Variants in MELK observed in about 807,000 individuals in gnomAD.
MELK encodes pEg3 kinase.
In MELK, 81 loss-of-function variants were observed where a neutral mutation model predicts 85.0. The ratio of observed to expected loss-of-function variants is 0.95; its 90% CI spans 0.80 to 1.15. The LOEUF (loss-of-function observed/expected upper bound fraction) is 1.15, where lower values mean the gene tolerates loss of function less well. MELK is among the 50% of genes most tolerant of loss of function. The probability of loss-of-function intolerance (pLI) is 0.00; values close to 1 mark genes in which losing one functional copy is unlikely to be tolerated. For synonymous variants in MELK, 252 were observed against 265.0 expected (o/e 0.95, Z 0.48); for missense variants, 754 against 777.5 (o/e 0.97, Z 0.36).
At chr9:36,675,115 G>T (rs1361182057) in intron 17 of MELK, among the ~76,000 whole-genome samples, 178 bp downstream of exon 17, 2 of 152,122 alleles carry the variant, frequency 1.3e-5, no homozygotes, top group Non-Finnish European at 2.9e-5. Flanking sequence ...GAGAAGCCCT[G>T]TCTCTACTGA....
intron 10 of MELK, among the ~76,000 whole-genome samples, chr9:36,637,119 A>G (rs548528213): frequency 1.3e-5 from 2 of 152,106 alleles, no homozygotes; most frequent in South Asian, 2.1e-4. Flanking sequence ...GGCATGAGCC[A>G]CTGCACCCGG....
At chr9:36,659,007 G>A (rs13294290) in intron 13 of MELK, among the ~76,000 whole-genome samples, 20,916 of 151,056 alleles carry the variant, frequency 0.14, 1,646 homozygotes, top group Non-Finnish European at 0.17. Context: ...TCAGCTTCCC[G>A]AATAGCTGGG....
At chr9:36,647,378 CT>C (rs1243692116) in intron 11 of MELK, among the ~76,000 whole-genome samples, 3 of 152,112 alleles carry the variant, frequency 2.0e-5, no homozygotes, top group Non-Finnish European at 4.4e-5. Context: ...GGGAAAAAGT[CT>C]TTAATGTAGT....
intron 9 of MELK, among the ~76,000 whole-genome samples, chr9:36,631,593 A>G (rs937232396): frequency 4.0e-5 from 6 of 150,546 alleles, no homozygotes; most frequent in Non-Finnish European, 8.9e-5. Context: ...AAAAAATTTT[A>G]TAGACAGGGT....
intron 11 of MELK, among the ~76,000 whole-genome samples, chr9:36,647,624 G>A (rs1830342848): frequency 6.6e-6 from 1 of 152,012 alleles, no homozygotes; most frequent in East Asian, 1.9e-4. Context: ...ATATAGCTGG[G>A]ATTACAGGCG....
intron 8 of MELK, among the ~76,000 whole-genome samples, chr9:36,612,209 C>T (rs551265134): frequency 1.3e-5 from 2 of 152,096 alleles, no homozygotes; most frequent in South Asian, 4.2e-4. Context: ...GATTCTCTTG[C>T]CTCAGCCTCC....
At chr9:36,668,634 T>G (rs1832608819) in intron 14 of MELK, among the ~76,000 whole-genome samples, 1 of 152,048 alleles carries the variant, frequency 6.6e-6, no homozygotes, top group Non-Finnish European at 1.5e-5. Context: ...TGCCTCAGCC[T>G]CCCAAGTGGC....
intron 8 of MELK, among the ~76,000 whole-genome samples, chr9:36,619,821 C>A (rs1827222665): frequency 6.6e-6 from 1 of 152,144 alleles, no homozygotes; most frequent in African/African-American, 2.4e-5. Context: ...CTGCTTTTTT[C>A]TCTACTTCCT....
chr9:36,597,155 T>TG, intron 5 of MELK, 67 bp from the exon 6 acceptor site: 1 of 1,355,012 alleles, frequency 7.4e-7, no homozygotes, highest in South Asian at 1.2e-5. Flanking sequence ...TTTTTAGAAA[T>TG]GGCTAGAGGT....
intron 7 of MELK, among the ~76,000 whole-genome samples, chr9:36,601,769 G>A (rs1243115112): frequency 6.6e-6 from 1 of 152,198 alleles, no homozygotes; most frequent in South Asian, 2.1e-4. Context: ...TCTGCCTTCT[G>A]TCTCTATGAA....
At chr9:36,623,370 A>G (rs553975990) in intron 8 of MELK, among the ~76,000 whole-genome samples, 32 of 152,350 alleles carry the variant, frequency 2.1e-4, no homozygotes, top group African/African-American at 7.7e-4. Context: ...ATTTTAAAGC[A>G]CGGTGTACAA....
intron 9 of MELK, among the ~76,000 whole-genome samples, chr9:36,630,871 C>T (rs1828517045): frequency 6.6e-6 from 1 of 151,864 alleles, no homozygotes; most frequent in South Asian, 2.1e-4. Flanking sequence ...CCAGGCTGGT[C>T]TCGAACTCCT....
At chr9:36,588,300 C>T (rs1823159735) in intron 3 of MELK, among the ~76,000 whole-genome samples, 1 of 149,864 alleles carries the variant, frequency 6.7e-6, no homozygotes, top group Non-Finnish European at 1.5e-5. Flanking sequence ...GAACTCCTGA[C>T]CTCAGTTGAT....
At chr9:36,591,011 G>C (rs1564130982) in intron 4 of MELK, among the ~76,000 whole-genome samples, 1 of 152,164 alleles carries the variant, frequency 6.6e-6, no homozygotes, top group Non-Finnish European at 1.5e-5. Context: ...AGAATTGCTT[G>C]AGTCCAGGAG....
intron 5 of MELK, among the ~76,000 whole-genome samples, chr9:36,596,601 TTTG>T (rs1824310124): frequency 5.7e-5 from 8 of 141,494 alleles, no homozygotes; most frequent in South Asian, 2.2e-4. Flanking sequence ...TTTTTTTTTT[TTTG>T]AGATGGAGTT....
chr9:36,630,232 TTA>T, intron 8 of MELK, 65 bp from the exon 9 acceptor site: 2 of 1,184,662 alleles, frequency 1.7e-6, no homozygotes, highest in East Asian at 4.7e-5. Flanking sequence ...CTCCAGCATG[TTA>T]TTACCTAAGG....
At chr9:36,598,903 C>G (rs761966520) in intron 6 of MELK, among the ~76,000 whole-genome samples, 1 of 152,202 alleles carries the variant, frequency 6.6e-6, no homozygotes, top group Admixed American at 6.5e-5. Flanking sequence ...AGAGACCACA[C>G]GTGCATGCAC....
At chr9:36,637,824 C>G (rs1829359930) in intron 10 of MELK, among the ~76,000 whole-genome samples, 1 of 152,242 alleles carries the variant, frequency 6.6e-6, no homozygotes, top group South Asian at 2.1e-4. Context: ...TGAAATCACT[C>G]CTGATTCTCC....
intron 13 of MELK, among the ~76,000 whole-genome samples, chr9:36,660,483 A>T (rs1831690457): frequency 6.6e-6 from 1 of 151,874 alleles, no homozygotes; most frequent in Non-Finnish European, 1.5e-5. Flanking sequence ...ATGCCCAGCT[A>T]ATTTTTACAA....
Sources: gnomAD v4.1 joint callset for allele counts (sites outside exome capture counted in the v4.1 genomes callset) on GRCh38, gnomAD v4.1.1 for gene constraint, MANE v1.5 for transcripts, NCBI Gene and HGNC (gene_info 2026-07-23, HGNC 2026-07-21) for gene names.